The following ZCCHC7 variants were observed in gnomAD, a reference collection of about 807,000 sequenced individuals.
ZCCHC7 encodes zinc finger CCHC-type containing 7, also known as zinc finger CCHC domain-containing protein 7.
In ZCCHC7, 35 loss-of-function variants were observed where a neutral mutation model predicts 52.0. That is an observed-to-expected ratio of 0.67 (90% CI 0.51 to 0.89). ZCCHC7 has a LOEUF of 0.89. Ranked by LOEUF, ZCCHC7 falls within the 40% of genes least tolerant of loss-of-function variation. The pLI, the probability that ZCCHC7 is intolerant of heterozygous loss-of-function variation, is 0.00. For missense variants in ZCCHC7, 574 were observed against 649.1 expected (o/e 0.88, Z 1.26); for synonymous variants, 217 against 221.5 (o/e 0.98, Z 0.18).
intron 6 of ZCCHC7, among the ~76,000 whole-genome samples, chr9:37,348,000 G>T (rs922182645): frequency 2.0e-5 from 3 of 151,988 alleles, no homozygotes; most frequent in African/African-American, 7.3e-5. Flanking sequence ...CTTAAACATT[G>T]ATGTCTTCAG....
chr9:37,203,443 G>A (rs1272096669), intron 2 of ZCCHC7, among the ~76,000 whole-genome samples: 3 of 152,096 alleles, frequency 2.0e-5, no homozygotes, highest in Admixed American at 2.0e-4. Flanking sequence ...TGCATTAGCT[G>A]TTTGTCCTGA....
At chr9:37,208,094 TTTTG>T (rs905522209) in intron 2 of ZCCHC7, among the ~76,000 whole-genome samples, 35 of 152,258 alleles carry the variant, frequency 2.3e-4, no homozygotes, top group Middle Eastern at 6.8e-3. Flanking sequence ...CGGCTTCTGC[TTTTG>T]TTTGTTTGTT....
At position 37,357,554 on chromosome 9, in the gene ZCCHC7, A is replaced by C. The variant is rs1185781575; in HGVS notation, c.*286A>C. 1 of 223,488 alleles carries C rather than the reference A, an allele frequency of 4.5e-6. No homozygotes were observed. Among genetic ancestry groups the C allele is most frequent in the Non-Finnish European group, 8.6e-6 (1 of 115,752 alleles). 13.8% of individuals were successfully genotyped at this position (223,488 alleles called of 1,614,324 possible). A position where few individuals can be genotyped will look rare whatever the true frequency, so the allele number is the denominator to read the frequency against. On this transcript the variant is annotated 3_prime_UTR_variant, in exon 9 of 9. Coordinates refer to ENST00000336755, the MANE Select transcript of ZCCHC7 (RefSeq NM_032226.3). ...GATAGGTAGAAGAATTCATCTTTTCAAGAAAGTGTTTTAAAAATACTTTGG... is the reference window on the plus strand; with the variant it reads ...GATAGGTAGAAGAATTCATCTTTTCCAGAAAGTGTTTTAAAAATACTTTGG...
At chr9:37,159,859 A>G (rs1031383667) in intron 2 of ZCCHC7, among the ~76,000 whole-genome samples, 31 of 152,256 alleles carry the variant, frequency 2.0e-4, no homozygotes, top group African/African-American at 6.5e-4. Flanking sequence ...TGGAATAAAG[A>G]TAAAGAATGT....
chr9:37,337,426 A>G, intron 6 of ZCCHC7, among the ~76,000 whole-genome samples: 1 of 107,870 alleles, frequency 9.3e-6, no homozygotes. Context: ...AAAAAAAATG[A>G]GTTGTGTTAT....
intron 5 of ZCCHC7, among the ~76,000 whole-genome samples, chr9:37,324,332 C>T (rs1369426442): frequency 6.6e-6 from 1 of 152,186 alleles, no homozygotes; most frequent in Non-Finnish European, 1.5e-5. Flanking sequence ...GCTGGCCGCG[C>T]TCTCATTAAG....
chr9:37,216,974 A>G (rs1261622849), intron 2 of ZCCHC7, among the ~76,000 whole-genome samples: 3 of 152,134 alleles, frequency 2.0e-5, no homozygotes, highest in African/African-American at 7.2e-5. Flanking sequence ...GTAGGAAAAT[A>G]CTATAAAATG....
At chr9:37,250,244 A>G (rs1413013058) in intron 2 of ZCCHC7, among the ~76,000 whole-genome samples, 1 of 150,840 alleles carries the variant, frequency 6.6e-6, no homozygotes, top group East Asian at 1.9e-4. Flanking sequence ...GGGTTTCCCT[A>G]GTTTTATCAC....
intron 2 of ZCCHC7, chr9:37,187,005 T>A (rs1822697246): frequency 4.3e-6 from 1 of 231,654 alleles, no homozygotes; most frequent in African/African-American, 2.2e-5. Context: ...TGATGAAACT[T>A]CTTCACTGCT....
intron 2 of ZCCHC7, among the ~76,000 whole-genome samples, chr9:37,177,278 TG>T (rs1323672038): frequency 6.6e-6 from 1 of 152,146 alleles, no homozygotes; most frequent in African/African-American, 2.4e-5. Context: ...GAGTTTGCAG[TG>T]AGCTGAGACC....
At chr9:37,143,336 G>A (rs1304815646) in intron 2 of ZCCHC7, among the ~76,000 whole-genome samples, 1 of 151,812 alleles carries the variant, frequency 6.6e-6, no homozygotes, top group Non-Finnish European at 1.5e-5. Context: ...GTAAGCCAAT[G>A]ATGGTAAAAT....
intron 2 of ZCCHC7, among the ~76,000 whole-genome samples, chr9:37,269,647 C>CAAAAAA (rs1827305475): frequency 1.1e-5 from 1 of 90,150 alleles, no homozygotes; most frequent in Non-Finnish European, 2.2e-5. Context: ...AAAAAAAAAA[C>CAAAAAA]AAAAGAAGTT....
intron 3 of ZCCHC7, among the ~76,000 whole-genome samples, chr9:37,303,480 T>C (rs994254705): frequency 1.3e-4 from 19 of 151,088 alleles, no homozygotes; most frequent in African/African-American, 4.6e-4. Flanking sequence ...GACTGAATGC[T>C]ACCGCGGTGT....
intron 6 of ZCCHC7, among the ~76,000 whole-genome samples, chr9:37,336,983 A>C (rs954814802): frequency 6.6e-6 from 1 of 152,152 alleles, no homozygotes; most frequent in Non-Finnish European, 1.5e-5. Flanking sequence ...TATGAATGGC[A>C]GCTCCTCTCC....
chr9:37,327,458 A>C (rs1830293099), intron 5 of ZCCHC7: 2 of 228,326 alleles, frequency 8.8e-6, no homozygotes, highest in Admixed American at 5.5e-5. Context: ...TAAAAGGTGT[A>C]CTTGGTGAGT....
intron 2 of ZCCHC7, among the ~76,000 whole-genome samples, chr9:37,199,698 GTCTTTCTTTCTGTCTT>G (rs1200772464): frequency 4.3e-5 from 3 of 69,092 alleles, no homozygotes; most frequent in East Asian, 2.6e-4. Flanking sequence ...CTTTCTGTCT[GTCTTTCTTTCTGTCTT>G]TCTTTCTTTC....
At chr9:37,122,943 GA>G (rs1022109326) in intron 1 of ZCCHC7, among the ~76,000 whole-genome samples, 8 of 152,084 alleles carry the variant, frequency 5.3e-5, no homozygotes, top group African/African-American at 1.4e-4. Flanking sequence ...TCTCAAGGGG[GA>G]AAAAAAGAAA....
chr9:37,155,185 C>G (rs1208759775), intron 2 of ZCCHC7, among the ~76,000 whole-genome samples: 1 of 151,956 alleles, frequency 6.6e-6, no homozygotes, highest in African/African-American at 2.4e-5. Context: ...ACAGTGAAAC[C>G]CTGTCTCTAC....
intron 2 of ZCCHC7, among the ~76,000 whole-genome samples, chr9:37,153,152 CTAT>C (rs1175334208): frequency 1.3e-5 from 2 of 150,276 alleles, no homozygotes; most frequent in East Asian, 1.9e-4. Flanking sequence ...TTTTTATTTA[CTAT>C]TATTATTGAT....
Sources: allele counts gnomAD v4.1 joint callset (sites outside exome capture counted in the v4.1 genomes callset), GRCh38; gene constraint gnomAD v4.1.1; transcripts MANE v1.5; gene names NCBI Gene and HGNC (gene_info 2026-07-23, HGNC 2026-07-21).